The following SPEF2 variants were observed in gnomAD, a reference collection of about 807,000 sequenced individuals.
SPEF2 encodes the protein sperm flagellar and cilia associated 2, also known as sperm flagella and cilia-associated protein 2.
In SPEF2, 187 loss-of-function variants were observed where a neutral mutation model predicts 224.6. The observed-to-expected ratio is 0.83, with a 90% CI of 0.74 to 0.94. SPEF2 has a LOEUF of 0.94. SPEF2 is among the 40% of genes least tolerant of loss of function. The pLI is 0.00. For synonymous variants in SPEF2, 715 were observed against 707.3 expected (o/e 1.01, Z -0.17); for missense variants, 2,170 against 2,135.6 (o/e 1.02, Z -0.32).
At chr5:35,683,722 CTG>C (rs1447857726) in intron 10 of SPEF2, among the ~76,000 whole-genome samples, 1 of 152,224 alleles carries the variant, frequency 6.6e-6, no homozygotes, top group African/African-American at 2.4e-5. Context: ...TTTATGATCT[CTG>C]TGTGTAAGCA....
rs78187528 is a variant in SPEF2, at chr5:35,659,271, G to A, written c.1167+64G>A. On this transcript the variant is annotated intron_variant, in intron 8 of 36. Coordinates refer to ENST00000356031, the MANE Select transcript of SPEF2 (RefSeq NM_024867.4). ...TTTTGTTTCTTTCTACCAAGTCGTG[G>A]TAAACAAAGCTATATTTTGTTGCCA... The A allele has an allele frequency of 5.3e-4, 773 of 1,454,388 alleles. 5 individuals carry two copies. The African/African-American group carries it at 9.7e-3, about 18-fold the overall frequency. 90.1% of individuals were successfully genotyped at this position (1,454,388 alleles called of 1,614,324 possible). A position where few individuals can be genotyped will look rare whatever the true frequency, so the allele number is the denominator to read the frequency against.
At chr5:35,623,160 G>A (rs952312761) in intron 1 of SPEF2, among the ~76,000 whole-genome samples, 4 of 152,184 alleles carry the variant, frequency 2.6e-5, no homozygotes, top group Admixed American at 6.5e-5. Flanking sequence ...TTTGAGGAGG[G>A]TTCCAGGAAG....
intron 4 of SPEF2, among the ~76,000 whole-genome samples, chr5:35,645,083 T>C (rs769586116): frequency 3.5e-4 from 53 of 152,170 alleles, no homozygotes; most frequent in Non-Finnish European, 5.9e-4. Flanking sequence ...TCTTTAAAAC[T>C]CTTTAATGAT....
chr5:35,639,702 C>T (rs986987665), intron 2 of SPEF2, among the ~76,000 whole-genome samples: 4 of 150,686 alleles, frequency 2.7e-5, no homozygotes, highest in Non-Finnish European at 5.9e-5. Flanking sequence ...GACAATTTCT[C>T]GGAGGGCAGC....
intron 33 of SPEF2, among the ~76,000 whole-genome samples, chr5:35,798,048 C>T (rs1404195764): frequency 2.0e-5 from 3 of 152,162 alleles, no homozygotes; most frequent in Non-Finnish European, 2.9e-5. Context: ...CTTCAAAACG[C>T]GTAAATCCCG....
At chr5:35,687,458 C>A (rs1753796270) in intron 10 of SPEF2, among the ~76,000 whole-genome samples, 2 of 150,628 alleles carry the variant, frequency 1.3e-5, no homozygotes, top group African/African-American at 4.9e-5. Context: ...TTTCTTCTTG[C>A]ACTTTAACAT....
intron 2 of SPEF2, among the ~76,000 whole-genome samples, chr5:35,636,975 CA>C (rs1168479903): frequency 0.013 from 769 of 58,758 alleles, 4 homozygotes; most frequent in African/African-American, 0.035. Context: ...GACTCTGTCT[CA>C]AAAAAAAAAA....
At chr5:35,784,762 C>G (rs967838759) in intron 30 of SPEF2, among the ~76,000 whole-genome samples, 1 of 151,808 alleles carries the variant, frequency 6.6e-6, no homozygotes, top group Non-Finnish European at 1.5e-5. Context: ...TGTGAAGTCT[C>G]CAGTGGCTTG....
At position 35,662,143 on chromosome 5, in the gene SPEF2, A is replaced by T. The variant is rs1749831266; in HGVS notation, c.1167+2936A>T. On this transcript the variant is annotated intron_variant, in intron 8 of 36. Transcript: ENST00000356031. ...TCTGACTGGTATGAGATGGTATCTC[A>T]TTATGGTTTTGATTTGCATGTATCT... Among the ~76,000 whole-genome samples the T allele has an allele frequency of 1.3e-5, 2 of 152,102 alleles. 1 individual carries two copies. Among genetic ancestry groups the T allele is most frequent in the South Asian group, 4.1e-4 (2 of 4,820 alleles).
chr5:35,807,521 GACCCT>G, intron 36 of SPEF2: 1 of 1,010,078 alleles, frequency 9.9e-7, no homozygotes, highest in African/African-American at 1.6e-5. Flanking sequence ...GCCATGTAAT[GACCCT>G]AGCCTGTGAT....
chr5:35,749,874 G>A (rs1005832128), intron 23 of SPEF2, among the ~76,000 whole-genome samples: 2 of 151,910 alleles, frequency 1.3e-5, no homozygotes, highest in Non-Finnish European at 2.9e-5. Context: ...ATATGGAACC[G>A]CAAAAGAAAC....
intron 30 of SPEF2, chr5:35,790,141 A>G (rs1307756768): frequency 1.6e-5 from 11 of 702,996 alleles, no homozygotes; most frequent in Non-Finnish European, 2.9e-5. Context: ...AGTTCAGCTG[A>G]AGCAGAACAT....
At chr5:35,808,067 C>A (rs1758286027) in intron 36 of SPEF2, 1 of 1,057,134 alleles carries the variant, frequency 9.5e-7, no homozygotes. Context: ...CTTGACTTCT[C>A]AATGATAGCA....
rs1398353207 is a variant in SPEF2, at chr5:35,814,596, C to T, written c.*43C>T. On this transcript the variant is annotated 3_prime_UTR_variant, in exon 37 of 37. Transcript: ENST00000356031. ...TTTTTTAATTCTGCAATAAATCTTC[C>T]AAAAATTAAATGTGACCATGGTGTT... 5 of 1,327,166 alleles carry T rather than the reference C, an allele frequency of 3.8e-6. No individual in the cohort carries two copies. Among genetic ancestry groups the T allele is most frequent in the Non-Finnish European group, 5.3e-6 (5 of 942,978 alleles). 82.2% of individuals were successfully genotyped at this position (1,327,166 alleles called of 1,614,324 possible).
intron 24 of SPEF2, among the ~76,000 whole-genome samples, chr5:35,754,803 G>A (rs1241598085): frequency 6.6e-6 from 1 of 152,206 alleles, no homozygotes; most frequent in Non-Finnish European, 1.5e-5. Flanking sequence ...AATGAAGATA[G>A]AGAATGGAAA....
At chr5:35,707,759 A>G (rs10079528) in intron 18 of SPEF2, among the ~76,000 whole-genome samples, 92,300 of 151,752 alleles carry the variant, frequency 0.61, 28,172 homozygotes, top group African/African-American at 0.63. Context: ...TGGGCTAACC[A>G]TCTCCCCTGA....
chr5:35,793,215 G>A lies in SPEF2; in HGVS notation c.4611G>A (p.Lys1537=), dbSNP rs1268630910. Residue 1537 remains lysine (K), a synonymous_variant, in exon 32 of 37, where the codon AAG becomes AAA. Coordinates refer to ENST00000356031, the MANE Select transcript of SPEF2 (RefSeq NM_024867.4). ...TVNSEFVDWR[K]FLLVTSMPWP... ...ACTCCGAGTTCGTGGACTGGCGGAA[G>A]TTCCTGTTAGTAACCTCAATGCCTT... 2.5e-6 allele frequency: 4 copies of A among 1,614,176 alleles called. No individual in the cohort carries two copies. Among genetic ancestry groups the A allele is most frequent in the South Asian group, 1.1e-5 (1 of 91,074 alleles).
chr5:35,697,854 T>TG, intron 15 of SPEF2, 61 bp downstream of exon 15: 1 of 1,228,910 alleles, frequency 8.1e-7, no homozygotes, highest in Non-Finnish European at 1.2e-6. Context: ...CACAAAGATG[T>TG]ATAAAGAATA....
intron 16 of SPEF2, among the ~76,000 whole-genome samples, chr5:35,701,098 G>T (rs1738540290): frequency 6.6e-6 from 1 of 152,088 alleles, no homozygotes; most frequent in Admixed American, 6.6e-5. Context: ...CCTCTTGAGG[G>T]TCATAAACCA....
Sources: allele counts gnomAD v4.1 joint callset (sites outside exome capture counted in the v4.1 genomes callset), GRCh38; gene constraint gnomAD v4.1.1; transcripts MANE v1.5; gene names NCBI Gene and HGNC (gene_info 2026-07-23, HGNC 2026-07-21).